Variants in LAT2 observed in about 807,000 individuals in gnomAD.
LAT2 encodes linker for activation of T cells family member 2.
A neutral mutation model predicts 43.4 loss-of-function variants in LAT2; 23 were observed. That is an observed-to-expected ratio of 0.53 (90% CI 0.38 to 0.75). The LOEUF (loss-of-function observed/expected upper bound fraction) is 0.75. Ranked by LOEUF, LAT2 falls within the 30% of genes least tolerant of loss-of-function variation. The pLI is 0.00. For missense variants in LAT2, 284 were observed against 310.2 expected (o/e 0.92, Z 0.64); for synonymous variants, 128 against 123.2 (o/e 1.04, Z -0.26).
intron 4 of LAT2, among the ~76,000 whole-genome samples, chr7:74,217,097 G>A (rs1554714395): frequency 6.6e-6 from 1 of 152,084 alleles, no homozygotes; most frequent in African/African-American, 2.4e-5. Context: ...CTGGGCTGTG[G>A]GGCTAGCCAC....
At chr7:74,213,420 C>CTTTT (rs1554713423) in intron 1 of LAT2, among the ~76,000 whole-genome samples, 2 of 136,236 alleles carry the variant, frequency 1.5e-5, no homozygotes, top group Non-Finnish European at 3.2e-5. Flanking sequence ...TGTGCCCGGC[C>CTTTT]ATTTTTTTTT....
chr7:74,221,017 C>A (rs1048377359), intron 9 of LAT2, among the ~76,000 whole-genome samples: 2 of 152,146 alleles, frequency 1.3e-5, no homozygotes, highest in Non-Finnish European at 2.9e-5. Context: ...GAGACTCATT[C>A]AGCATCACCC....
rs782439942 is a variant in LAT2 at position 74,220,719 on chromosome 7, C to A, written c.317C>A (p.Ser106Ter). 17 of 1,604,164 alleles carry A rather than the reference C, an allele frequency of 1.1e-5. No homozygotes were observed. Among genetic ancestry groups the A allele is most frequent in the Non-Finnish European group, 1.4e-5 (17 of 1,172,758 alleles). The change falls in exon 9 of 14, where the codon TCG becomes TAG. Residue 106 changes from serine to a stop codon, truncating the protein, a stop_gained. Coordinates refer to ENST00000460943, the MANE Select transcript of LAT2 (RefSeq NM_032464.3). LOFTEE classifies it high-confidence loss of function. The surrounding 1 kb of genome is among the most constrained non-coding windows in gnomAD (Gnocchi z 4.5). Reference protein sequence around the residue: ...QNFSKGSRHGSEEAYIDPIAM... With the variant: ...QNFSKGSRHG The stretch of plus-strand genomic sequence containing the variant: ...CCTCCCGCAGGAAGCAGACACGGGT[C>A]GGAGGAAGCCTACATGTGAGTGACC...
intron 13 of LAT2, among the ~76,000 whole-genome samples, chr7:74,227,483 G>C (rs373618056): frequency 3.3e-5 from 5 of 152,236 alleles, no homozygotes; most frequent in Non-Finnish European, 2.9e-5. Context: ...GCCTCCCCAA[G>C]TGCTGGGATT....
At position 74,220,227 on chromosome 7, in the gene LAT2, C is replaced by G. The variant is rs782268640; in HGVS notation, c.238C>G (p.Leu80Val). 7 of 1,611,154 alleles carry G rather than the reference C, an allele frequency of 4.3e-6. No individual in the cohort carries two copies. Among genetic ancestry groups the G allele is most frequent in the Non-Finnish European group, 5.9e-6 (7 of 1,178,246 alleles). The change falls in exon 7 of 14, where the codon CTG becomes GTG. Residue 80 changes from leucine to valine, a missense_variant. Coordinates refer to ENST00000460943, the MANE Select transcript of LAT2 (RefSeq NM_032464.3). The surrounding 1 kb of genome is among the most constrained non-coding windows in gnomAD (Gnocchi z 4.5). ...ADMAPTRKDK[L>V]LQFYPSLEDP... ...TCCCCCTCCCTGCAGGAAGGACAAGCTGTTGCAATTCTACCCCAGCCTGGA... is the reference window on the plus strand; with the variant it reads ...TCCCCCTCCCTGCAGGAAGGACAAGGTGTTGCAATTCTACCCCAGCCTGGA...
chr7:74,228,665 C>CGGGCGCCT, intron 13 of LAT2, among the ~76,000 whole-genome samples: 1 of 133,130 alleles, frequency 7.5e-6, no homozygotes, highest in Non-Finnish European at 1.6e-5. Context: ...GGCGTGGTGG[C>CGGGCGCCT]GTAGTCCCAG....
chr7:74,228,661 G>A (rs1373390733), intron 13 of LAT2, among the ~76,000 whole-genome samples: 1 of 147,838 alleles, frequency 6.8e-6, no homozygotes, highest in African/African-American at 2.5e-5. Context: ...GCTGGGCGTG[G>A]TGGCGTAGTC....
rs187031548 is a variant in LAT2, at chr7:74,213,569, C to A, written c.-218-1253C>A. ...ACTCCTGATTAGCTGGGATCACAGG[C>A]GTGTGCCACCACACCCGGCTAATTT... On this transcript the variant is annotated intron_variant, in intron 1 of 13. Coordinates refer to ENST00000460943, the MANE Select transcript of LAT2 (RefSeq NM_032464.3). Among the ~76,000 whole-genome samples, 186 of 151,990 alleles carry A rather than the reference C, an allele frequency of 1.2e-3. 1 individual carries two copies. Among genetic ancestry groups the A allele is most frequent in the African/African-American group, 4.1e-3 (169 of 41,468 alleles).
intron 11 of LAT2, 79 bp downstream of exon 11, chr7:74,223,862 G>A: frequency 6.6e-7 from 1 of 1,512,514 alleles, no homozygotes; most frequent in Non-Finnish European, 9.2e-7. Context: ...ACTCCCCACT[G>A]CTCAAAGGCC....
At chr7:74,217,527 T>A (rs1802089462) in intron 4 of LAT2, among the ~76,000 whole-genome samples, 1 of 151,994 alleles carries the variant, frequency 6.6e-6, no homozygotes, top group Admixed American at 6.6e-5. Flanking sequence ...GCTAGTCCGC[T>A]CTCCCCTTGC....
rs369865553 is a variant in LAT2, at chr7:74,216,088, G to T, written c.94+19G>T. 1.4e-4 allele frequency: 228 copies of T among 1,595,078 alleles called. 1 individual carries two copies. In the Admixed American group the frequency reaches 1.8e-3, roughly 13 times the overall value. On this transcript the variant is annotated intron_variant, in intron 3 of 13. Coordinates refer to ENST00000460943, the MANE Select transcript of LAT2 (RefSeq NM_032464.3). Reference sequence around the variant, plus strand: ...CGCCCAGGTAAGCGGGGGTCTCGGGGACGTGATGGGGAGAAGGTGTGGACA... The same window carrying T: ...CGCCCAGGTAAGCGGGGGTCTCGGGTACGTGATGGGGAGAAGGTGTGGACA...
chr7:74,219,806 C>T lies in LAT2; in HGVS notation c.178+19C>T. 6.2e-7 allele frequency: 1 copy of T among 1,613,996 alleles called. No individual in the cohort carries two copies. The highest frequency in any genetic ancestry group is 8.5e-7 in the Non-Finnish European group (1 of 1,179,980). ...TACTCCTGTGAGTCTCCAAGTGTCC[C>T]CGGGTTGGGCTCTGGGTTGGGGGTG... is the stretch of plus-strand genomic sequence containing the variant. On this transcript the variant is annotated intron_variant, in intron 5 of 13. Transcript: ENST00000460943.
chr7:74,217,681 G>A (rs782213315), intron 4 of LAT2, among the ~76,000 whole-genome samples: 20 of 152,150 alleles, frequency 1.3e-4, no homozygotes. Context: ...ACCCAGGGAA[G>A]GGCAGTGGGT....
intron 4 of LAT2, among the ~76,000 whole-genome samples, chr7:74,218,269 A>C (rs1377263460): frequency 6.6e-6 from 1 of 152,190 alleles, no homozygotes; most frequent in East Asian, 1.9e-4. Flanking sequence ...TGCTTCTCCC[A>C]GGAAGCCACG....
At position 74,224,769 on chromosome 7, in the gene LAT2, C is replaced by G. The variant is rs781839823; in HGVS notation, c.*18+9C>G. The G allele has an allele frequency of 6.6e-7, 1 of 1,520,800 alleles. No individual in the cohort carries two copies. Among genetic ancestry groups the G allele is most frequent in the African/African-American group, 1.4e-5 (1 of 72,718 alleles). 94.2% of individuals were successfully genotyped at this position (1,520,800 alleles called of 1,614,324 possible). A position where few individuals can be genotyped will look rare whatever the true frequency, so the allele number is the denominator to read the frequency against. On this transcript the variant is annotated intron_variant, in intron 13 of 13. Coordinates refer to ENST00000460943, the MANE Select transcript of LAT2 (RefSeq NM_032464.3). ...GCAGACCAAGAAGAAAGGTACAGCCCCTGCTCTCCAGCTGCCGTGGGCCAA... is the reference window on the plus strand; with the variant it reads ...GCAGACCAAGAAGAAAGGTACAGCCGCTGCTCTCCAGCTGCCGTGGGCCAA...
chr7:74,210,084 C>G lies in LAT2; in HGVS notation c.-223C>G, dbSNP rs1456795767. 6.6e-6 allele frequency: 1 copy of G among 152,464 alleles called. No homozygotes were observed. The highest frequency in any genetic ancestry group is 2.4e-5 in the African/African-American group (1 of 41,448). 9.4% of individuals were successfully genotyped at this position (152,464 alleles called of 1,614,324 possible). On this transcript the variant is annotated 5_prime_UTR_variant, in exon 1 of 14. Transcript: ENST00000460943. ...CGGCCGTGGTGAGGAACCCTGGACT[C>G]TCAGGTAAGCCTTTCCCAGGGGTGC...
At chr7:74,213,678 C>CT (rs1331692315) in intron 1 of LAT2, among the ~76,000 whole-genome samples, 17 of 152,272 alleles carry the variant, frequency 1.1e-4, no homozygotes, top group African/African-American at 4.1e-4. Context: ...CCGCCTTGGC[C>CT]TCCCAAAGTG....
chr7:74,211,131 C>A (rs1410022493), intron 1 of LAT2, among the ~76,000 whole-genome samples: 1 of 152,246 alleles, frequency 6.6e-6, no homozygotes, highest in Non-Finnish European at 1.5e-5. Flanking sequence ...CCCCCACTCC[C>A]CACCCCGCCC....
chr7:74,214,127 A>G (rs1320464321), intron 1 of LAT2, among the ~76,000 whole-genome samples: 1 of 59,562 alleles, frequency 1.7e-5, no homozygotes, highest in Non-Finnish European at 3.1e-5. Flanking sequence ...TATATATATA[A>G]ATATATATAT....
Sources: gnomAD v4.1 joint callset for allele counts (sites outside exome capture counted in the v4.1 genomes callset) on GRCh38, gnomAD v4.1.1 for gene constraint, Gnocchi (gnomAD v3.1) non-coding constraint, MANE v1.5 for transcripts, NCBI Gene and HGNC (gene_info 2026-07-23, HGNC 2026-07-21) for gene names.